Variants in FER1L6 observed in about 807,000 individuals in gnomAD.
The protein encoded by FER1L6 is fer-1 like family member 6.
FER1L6 carries 177 observed loss-of-function variants against 219.2 expected under a neutral mutation model. The observed-to-expected ratio is 0.81, with a 90% CI of 0.71 to 0.91. The LOEUF (loss-of-function observed/expected upper bound fraction) is 0.91, where lower values mean the gene tolerates loss of function less well. Among genes scored for constraint, FER1L6 ranks in the 40% least tolerant of loss-of-function variants. The pLI is 0.00. For missense variants in FER1L6, 2,153 were observed against 2,259.9 expected, an observed-to-expected ratio of 0.95 and a Z score of 0.96; for synonymous variants, 768 against 824.3, an observed-to-expected ratio of 0.93 and a Z score of 1.17.
intron 33 of FER1L6, among the ~76,000 whole-genome samples, chr8:124,084,647 T>C (rs542260222): frequency 8.5e-5 from 13 of 152,172 alleles, no homozygotes; most frequent in Non-Finnish European, 1.8e-4. Flanking sequence ...TTTAACATGA[T>C]GTTGAATTTG....
At chr8:124,017,535 A>G in intron 15 of FER1L6, 93 bp from the exon 16 acceptor site, 3 of 912,540 alleles carry the variant, frequency 3.3e-6, no homozygotes, top group Non-Finnish European at 5.1e-6. Flanking sequence ...AAAGCTTTCC[A>G]CTGTATTGCA....
intron 1 of FER1L6, among the ~76,000 whole-genome samples, chr8:123,906,851 T>C (rs1276776428): frequency 2.0e-5 from 3 of 151,842 alleles, no homozygotes; most frequent in Non-Finnish European, 2.9e-5. Context: ...GAAGACCTTT[T>C]AACCCCCCCT....
chr8:123,952,702 T>G lies in FER1L6; in HGVS notation c.-7-3290T>G, dbSNP rs568786011. 5.9e-5 allele frequency among the ~76,000 whole-genome samples: 9 copies of G among 152,300 alleles called. No individual in the cohort carries two copies. In the East Asian group the frequency reaches 1.7e-3, roughly 29 times the overall value. ...TCCCAATACATTGTCTGGAAACCCC[T>G]GAAATCCCCTTATTTGTCAGCAAGC... On this transcript the variant is annotated intron_variant, in intron 1 of 40. Transcript: ENST00000522917.
chr8:124,102,971 C>A (rs539874502), intron 38 of FER1L6, among the ~76,000 whole-genome samples, 175 bp from the exon 39 acceptor site: 1 of 152,308 alleles, frequency 6.6e-6, no homozygotes, highest in Non-Finnish European at 1.5e-5. Context: ...TGGCACCAAA[C>A]GTGGCTCAGT....
intron 1 of FER1L6, among the ~76,000 whole-genome samples, chr8:123,872,404 G>A (rs143392180): frequency 1.5e-3 from 233 of 152,252 alleles, no homozygotes; most frequent in African/African-American, 5.4e-3. Context: ...TTAAAACTAC[G>A]AAGGTCATCA....
intron 1 of FER1L6, among the ~76,000 whole-genome samples, chr8:123,877,226 A>T (rs1406915629): frequency 2.0e-5 from 3 of 152,232 alleles, no homozygotes; most frequent in Non-Finnish European, 4.4e-5. Context: ...TTTATTTTTC[A>T]ATTATTGCTG....
rs1821074288 is a variant in FER1L6, at chr8:124,071,593, C to G, written c.4054C>G (p.His1352Asp). 1 of 1,614,002 alleles carries G rather than the reference C, an allele frequency of 6.2e-7. No individual in the cohort carries two copies. Among genetic ancestry groups the G allele is most frequent in the South Asian group, 1.1e-5 (1 of 91,070 alleles). Residue 1352 changes from histidine (H) to aspartate (D), a missense_variant, in exon 31 of 41, where the codon CAC (histidine) becomes GAC (aspartate). Transcript: ENST00000522917. ...LRIQQGIPPNHPVTVLIRVYI... is the reference protein window; with the variant it reads ...LRIQQGIPPNDPVTVLIRVYI... ...AATCCAGCAAGGGATTCCGCCCAAT[C>G]ACCCTGTCACAGTGCTGATCAGAGT...
intron 13 of FER1L6, among the ~76,000 whole-genome samples, chr8:124,006,955 G>C (rs1055198957): frequency 6.6e-6 from 1 of 152,164 alleles, no homozygotes; most frequent in African/African-American, 2.4e-5. Flanking sequence ...GCAAAATTTG[G>C]GGTGGGAATT....
At chr8:124,038,540 G>A (rs956068943) in intron 19 of FER1L6, among the ~76,000 whole-genome samples, 5 of 152,152 alleles carry the variant, frequency 3.3e-5, no homozygotes, top group African/African-American at 9.7e-5. Context: ...ACATTGCAAT[G>A]AGCAATAGTA....
At chr8:124,085,346 G>A (rs1475553417) in intron 33 of FER1L6, among the ~76,000 whole-genome samples, 2 of 151,832 alleles carry the variant, frequency 1.3e-5, no homozygotes, top group African/African-American at 4.8e-5. Flanking sequence ...CTACTTTTTT[G>A]ATGTGGGTGC....
chr8:124,108,314 T>G (rs966840229), intron 39 of FER1L6, among the ~76,000 whole-genome samples: 5 of 146,750 alleles, frequency 3.4e-5, no homozygotes, highest in Non-Finnish European at 6.0e-5. Context: ...TCAGCTTTCT[T>G]AGCTGTAAAG....
chr8:123,926,864 G>T (rs1371760526), intron 1 of FER1L6, among the ~76,000 whole-genome samples: 4 of 152,154 alleles, frequency 2.6e-5, no homozygotes, highest in African/African-American at 9.6e-5. Flanking sequence ...TATTATCTTA[G>T]ACTCTAATGG....
At chr8:124,115,330 C>T (rs1288788572) in intron 39 of FER1L6, among the ~76,000 whole-genome samples, 1 of 151,946 alleles carries the variant, frequency 6.6e-6, no homozygotes, top group African/African-American at 2.4e-5. Context: ...CAGGAAACCT[C>T]TGTGAAGAAC....
intron 22 of FER1L6, 79 bp downstream of exon 22, chr8:124,049,835 AT>A: frequency 2.1e-6 from 3 of 1,428,670 alleles, no homozygotes; most frequent in Admixed American, 3.4e-5. Flanking sequence ...TGCCACTTCA[AT>A]GAAGCTGTGC....
Position 123,942,127 on chromosome 8 carries a change from TG to T in FER1L6, c.-7-13861del, listed in dbSNP as rs1814266410. 3.3e-5 allele frequency among the ~76,000 whole-genome samples: 5 copies of T among 152,268 alleles called. No individual in the cohort carries two copies. In the South Asian group the frequency reaches 1.0e-3, roughly 32 times the overall value. On this transcript the variant is annotated intron_variant, in intron 1 of 40. Coordinates refer to ENST00000522917, the MANE Select transcript of FER1L6 (RefSeq NM_001039112.2). ...AGGGAGTGGAGGATTGCAGCTCAGTTGGGGATGTTTACGAGGCTGCCTTGGG... is the reference window on the plus strand; with the variant it reads ...AGGGAGTGGAGGATTGCAGCTCAGTTGGGATGTTTACGAGGCTGCCTTGGG...
intron 1 of FER1L6, among the ~76,000 whole-genome samples, chr8:123,949,479 A>G (rs2130066847): frequency 6.6e-6 from 1 of 152,358 alleles, no homozygotes; most frequent in East Asian, 1.9e-4. Flanking sequence ...GGTTATAAAC[A>G]TACCCTTCTC....
intron 12 of FER1L6, among the ~76,000 whole-genome samples, chr8:123,995,978 C>A (rs747815906): frequency 6.6e-6 from 1 of 151,946 alleles, no homozygotes; most frequent in Non-Finnish European, 1.5e-5. Flanking sequence ...AAATTTCTCG[C>A]GTTACTGATT....
At position 124,049,140 on chromosome 8, in the gene FER1L6, C is replaced by T. The variant is rs558314889; in HGVS notation, c.2725-467C>T. On this transcript the variant is annotated intron_variant, in intron 21 of 40. Coordinates refer to ENST00000522917, the MANE Select transcript of FER1L6 (RefSeq NM_001039112.2). ...TCGGCTTACTGCAACCTCCACATCC[C>T]GGGTTTAAGTGATTCTCCTGCCTCA... 7.9e-5 allele frequency among the ~76,000 whole-genome samples: 12 copies of T among 151,968 alleles called. No individual in the cohort carries two copies. The South Asian group carries it at 1.5e-3, about 18-fold the overall frequency.
At chr8:124,087,032 G>T (rs1048556464) in intron 33 of FER1L6, among the ~76,000 whole-genome samples, 1 of 151,964 alleles carries the variant, frequency 6.6e-6, no homozygotes, top group African/African-American at 2.4e-5. Flanking sequence ...CTTGACCTTT[G>T]GGAGTTTGAT....
Sources: allele counts gnomAD v4.1 joint callset (sites outside exome capture counted in the v4.1 genomes callset), GRCh38; gene constraint gnomAD v4.1.1; transcripts MANE v1.5; gene names NCBI Gene and HGNC (gene_info 2026-07-23, HGNC 2026-07-21).